Variants in MIA2 observed in about 807,000 individuals in gnomAD.
MIA2 encodes the protein MIA SH3 domain ER export factor 2, also known as melanoma inhibitory activity protein 2.
MIA2 carries 127 observed loss-of-function variants against 167.8 expected under a neutral mutation model. That is an observed-to-expected ratio of 0.76 (90% CI 0.66 to 0.88). The LOEUF (loss-of-function observed/expected upper bound fraction) is 0.88. MIA2 is among the 40% of genes least tolerant of loss of function. The pLI, the probability that MIA2 is intolerant of heterozygous loss-of-function variation, is 0.00. For synonymous variants in MIA2, 552 were observed against 541.9 expected, an observed-to-expected ratio of 1.02 and a Z score of -0.26; for missense variants, 1,690 against 1,624.7, an observed-to-expected ratio of 1.04 and a Z score of -0.69.
Position 39,247,745 on chromosome 14 carries a change from A to C in MIA2, c.1171A>C (p.Lys391Gln), listed in dbSNP as rs757863772. Residue 391 changes from lysine (K) to glutamine (Q), a missense_variant, in exon 4 of 29, where the codon AAG becomes CAG. Lys to Gln is a moderately conservative substitution (Grantham distance 53). Coordinates refer to ENST00000640607, the MANE Select transcript of MIA2 (RefSeq NM_001329214.4). Reference protein sequence around the residue: ...GFAILGFAYAKEDKIMLDDRK... With the variant: ...GFAILGFAYAQEDKIMLDDRK... ...TGCTATACTAGGCTTTGCATATGCC[A>C]AGGAAGATAAAATTATGTTAGATGA... The C allele has an allele frequency of 1.1e-5, 17 of 1,613,404 alleles. No homozygotes were observed. Among genetic ancestry groups the C allele is most frequent in the Non-Finnish European group, 1.4e-5 (17 of 1,179,908 alleles).
intron 13 of MIA2, among the ~76,000 whole-genome samples, chr14:39,295,274 T>A (rs146033287): frequency 6.6e-6 from 1 of 152,288 alleles, no homozygotes; most frequent in African/African-American, 2.4e-5. Flanking sequence ...TTGGTAATCA[T>A]AACCAACTTC....
intron 23 of MIA2, among the ~76,000 whole-genome samples, chr14:39,364,829 T>C: frequency 6.7e-6 from 1 of 149,060 alleles, no homozygotes; most frequent in Non-Finnish European, 1.5e-5. Flanking sequence ...GTTATTTTGA[T>C]GGGGATTCCC....
chr14:39,235,426 T>G (rs2053690563), intron 1 of MIA2, among the ~76,000 whole-genome samples: 1 of 152,200 alleles, frequency 6.6e-6, no homozygotes, highest in Non-Finnish European at 1.5e-5. Context: ...ACATTCTTCC[T>G]TAACTTTTTG....
rs2054386227 is a variant in MIA2, at chr14:39,247,967, G to A, written c.1393G>A (p.Asp465Asn). ...TTTGAAAAAGTTCTTGTATAATTTTGACAACCCTTGGAACTTCCAGAACAT... is the reference window on the plus strand; with the variant it reads ...TTTGAAAAAGTTCTTGTATAATTTTAACAACCCTTGGAACTTCCAGAACAT... The part of the protein sequence containing the change: ...PYLKKFLYNF[D>N]NPWNFQNIPK... The change falls in exon 4 of 29, where the codon GAC becomes AAC. Residue 465 changes from aspartate to asparagine, a missense_variant. Physicochemically the swap from Asp to Asn is conservative, Grantham distance 23. Transcript: ENST00000640607. 6.3e-7 allele frequency: 1 copy of A among 1,596,820 alleles called. No homozygotes were observed. Among genetic ancestry groups the A allele is most frequent in the South Asian group, 1.2e-5 (1 of 86,248 alleles).
chr14:39,355,502 G>A (rs1348753698), downstream of MIA2, among the ~76,000 whole-genome samples: 1 of 152,072 alleles, frequency 6.6e-6, no homozygotes, highest in Non-Finnish European at 1.5e-5. Flanking sequence ...CTGCAAACAG[G>A]GACAATTTGA....
At chr14:39,386,231 G>A in intron 23 of MIA2, 1 of 1,414,582 alleles carries the variant, frequency 7.1e-7, no homozygotes, top group African/African-American at 1.4e-5. Flanking sequence ...GTCTGCAGTT[G>A]TATTTTTGGT....
At chr14:39,351,720 C>A (rs888000216), downstream of MIA2, among the ~76,000 whole-genome samples, 1 of 152,130 alleles carries the variant, frequency 6.6e-6, no homozygotes, top group Non-Finnish European at 1.5e-5. Context: ...GAAACCTCAC[C>A]GCAGTCTCCC....
chr14:39,334,170 G>T (rs2069690116), intron 25 of MIA2, among the ~76,000 whole-genome samples: 1 of 152,156 alleles, frequency 6.6e-6, no homozygotes, highest in African/African-American at 2.4e-5. Context: ...ATTGGTACAT[G>T]CCATTTAAAT....
At chr14:39,370,579 G>T in intron 23 of MIA2, 1 of 364,990 alleles carries the variant, frequency 2.7e-6, no homozygotes. Context: ...GCCGCATTGG[G>T]GCTGCTCCGG....
intron 6 of MIA2, among the ~76,000 whole-genome samples, chr14:39,263,408 A>AT (rs34884699): frequency 6.7e-6 from 1 of 148,560 alleles, no homozygotes; most frequent in Admixed American, 6.7e-5. Context: ...TTTTTTCTAA[A>AT]TTTTTTGTAG....
intron 6 of MIA2, chr14:39,265,620 G>C: frequency 2.2e-6 from 1 of 456,446 alleles, no homozygotes. Context: ...GTGACTTAGG[G>C]AGGGCAAAGG....
At chr14:39,267,547 AC>A (rs2056110699) in intron 6 of MIA2, 1 of 1,611,686 alleles carries the variant, frequency 6.2e-7, no homozygotes, top group Non-Finnish European at 8.5e-7. Context: ...GATGAGTGTT[AC>A]GTGGCCCAGG....
chr14:39,287,935 C>T (rs551133319), intron 9 of MIA2, among the ~76,000 whole-genome samples: 67 of 152,266 alleles, frequency 4.4e-4, no homozygotes, highest in African/African-American at 1.6e-3. Context: ...GCCTCAACCT[C>T]CTGGGGTCAT....
intron 25 of MIA2, among the ~76,000 whole-genome samples, chr14:39,345,288 G>A (rs2072987400): frequency 6.6e-6 from 1 of 151,968 alleles, no homozygotes; most frequent in African/African-American, 2.4e-5. Flanking sequence ...TGGCCAGGCT[G>A]GTCTGGAACT....
At chr14:39,303,048 C>G (rs114614945) in intron 15 of MIA2, among the ~76,000 whole-genome samples, 3,093 of 152,068 alleles carry the variant, frequency 0.02, 109 homozygotes, top group African/African-American at 0.068. Flanking sequence ...ATATAAAGTT[C>G]TGTTTGTACT....
chr14:39,328,415 T>G (rs922468353), intron 25 of MIA2, among the ~76,000 whole-genome samples: 1 of 152,224 alleles, frequency 6.6e-6, no homozygotes, highest in Non-Finnish European at 1.5e-5. Flanking sequence ...TTCTGTAGGT[T>G]GCCTGTTCAC....
chr14:39,329,687 G>T, intron 25 of MIA2, among the ~76,000 whole-genome samples: 1 of 149,602 alleles, frequency 6.7e-6, no homozygotes, highest in Non-Finnish European at 1.5e-5. Context: ...AAGGGGTGTT[G>T]GATTTTATCA....
At chr14:39,273,267 A>T (rs1276456445) in intron 6 of MIA2, among the ~76,000 whole-genome samples, 7 of 137,898 alleles carry the variant, frequency 5.1e-5, no homozygotes, top group African/African-American at 1.4e-4. Context: ...ATCTTTAAGT[A>T]TGATGTTAAC....
At chr14:39,291,442 TAA>T (rs2060728715) in intron 10 of MIA2, among the ~76,000 whole-genome samples, 1 of 152,148 alleles carries the variant, frequency 6.6e-6, no homozygotes, top group Non-Finnish European at 1.5e-5. Flanking sequence ...AAAGGAGAAA[TAA>T]GATTCATTTT....
Sources: gnomAD v4.1 joint callset for allele counts (sites outside exome capture counted in the v4.1 genomes callset) on GRCh38, gnomAD v4.1.1 for gene constraint, MANE v1.5 for transcripts, NCBI Gene and HGNC (gene_info 2026-07-23, HGNC 2026-07-21) for gene names.